KIF11: variants seen among roughly 807,000 people sequenced by gnomAD.
KIF11 encodes the protein kinesin family member 11.
A neutral mutation model predicts 121.0 loss-of-function variants in KIF11; 9 were observed. The ratio of observed to expected loss-of-function variants is 0.07; its 90% CI spans 0.04 to 0.13. The LOEUF is 0.13. Among genes scored for constraint, KIF11 ranks in the 10% least tolerant of loss-of-function variants. The pLI, the probability that KIF11 is intolerant of heterozygous loss-of-function variation, is 1.00. For missense variants in KIF11, 846 were observed against 1,217.5 expected, an observed-to-expected ratio of 0.69 and a Z score of 4.54; for synonymous variants, 408 against 421.0, an observed-to-expected ratio of 0.97 and a Z score of 0.38.
chr10:92,617,885 G>A (rs2135907777), intron 9 of KIF11, among the ~76,000 whole-genome samples: 1 of 152,118 alleles, frequency 6.6e-6, no homozygotes, highest in Non-Finnish European at 1.5e-5. Context: ...GACTACAGGT[G>A]TGCACCACCA....
At chr10:92,605,362 C>G (rs542692157) in intron 1 of KIF11, among the ~76,000 whole-genome samples, 2 of 152,054 alleles carry the variant, frequency 1.3e-5, no homozygotes, top group South Asian at 4.1e-4. Flanking sequence ...AAGTACTCAA[C>G]TTATTAGTCA....
At chr10:92,629,734 C>T (rs566179008) in intron 11 of KIF11, among the ~76,000 whole-genome samples, 1 of 152,256 alleles carries the variant, frequency 6.6e-6, no homozygotes, top group South Asian at 2.1e-4. Flanking sequence ...CTGCCTCAGC[C>T]TCCTGAGTAG....
intron 4 of KIF11, among the ~76,000 whole-genome samples, chr10:92,607,861 A>G (rs1844446084): frequency 6.6e-6 from 1 of 152,088 alleles, no homozygotes; most frequent in Admixed American, 6.6e-5. Context: ...TGAGTTTAAT[A>G]ACTAGTTAAT....
intron 1 of KIF11, among the ~76,000 whole-genome samples, chr10:92,595,549 T>C (rs1013918493): frequency 4.6e-5 from 7 of 152,150 alleles, no homozygotes; most frequent in African/African-American, 1.7e-4. Flanking sequence ...CCTATTTTTT[T>C]CCCAATTTAA....
At chr10:92,602,418 G>C (rs1490914590) in intron 1 of KIF11, among the ~76,000 whole-genome samples, 1 of 151,992 alleles carries the variant, frequency 6.6e-6, no homozygotes, top group Non-Finnish European at 1.5e-5. Flanking sequence ...GGAGATTTTT[G>C]GTTAGTGAGT....
Position 92,654,468 on chromosome 10 carries a change from A to ATG in KIF11, c.*674_*675dup, listed in dbSNP as rs1845023115. ...ATCTGTCCTTAGAAAGGACCATCTC[A>ATG]TGTTTTTTTTCTTGCTATGACTTGT... On this transcript the variant is annotated 3_prime_UTR_variant, in exon 22 of 22. Transcript: ENST00000260731. The ATG allele has an allele frequency of 6.6e-6, 1 of 151,986 alleles. No homozygotes were observed. Among genetic ancestry groups the ATG allele is most frequent in the South Asian group, 2.1e-4 (1 of 4,804 alleles). 9.4% of individuals were successfully genotyped at this position (151,986 alleles called of 1,614,324 possible). A position where few individuals can be genotyped will look rare whatever the true frequency, so the allele number is the denominator to read the frequency against.
chr10:92,653,919 C>T lies in KIF11; in HGVS notation c.*123C>T. On this transcript the variant is annotated 3_prime_UTR_variant, in exon 22 of 22. Transcript: ENST00000260731. ...TATATATCAGCCGGGCGCGGTGGCT[C>T]ATGCCTGTAATCCCAGCACTTTGGG... 1 of 799,556 alleles carries T rather than the reference C, an allele frequency of 1.3e-6. No homozygotes were observed. Among genetic ancestry groups the T allele is most frequent in the Non-Finnish European group, 1.9e-6 (1 of 528,206 alleles). The allele number at this position is 799,556 out of a possible 1,614,324, so 49.5% of individuals were successfully genotyped here. A position where few individuals can be genotyped will look rare whatever the true frequency, so the allele number is the denominator to read the frequency against.
At chr10:92,635,338 T>C (rs7089765) in intron 14 of KIF11, among the ~76,000 whole-genome samples, 42,693 of 152,114 alleles carry the variant, frequency 0.28, 8,343 homozygotes, top group African/African-American at 0.55. Flanking sequence ...TGTATATATA[T>C]AGGCATACTT....
At chr10:92,650,071 T>TA in intron 20 of KIF11, 85 bp downstream of exon 20, 2 of 1,025,314 alleles carry the variant, frequency 2.0e-6, no homozygotes. Context: ...TTTTACTGTT[T>TA]ACCCCTCAAT....
At position 92,643,942 on chromosome 10, in the gene KIF11, G is replaced by A. The variant is rs147950138; in HGVS notation, c.2268-1421G>A. ...TCAACCCTGTTTTTGATCCTGTTAA[G>A]TATAGCATGTTCCATTGTGAACTCT... On this transcript the variant is annotated intron_variant, in intron 17 of 21. Coordinates refer to ENST00000260731, the MANE Select transcript of KIF11 (RefSeq NM_004523.4). Among the ~76,000 whole-genome samples, 64 of 152,200 alleles carry A rather than the reference G, an allele frequency of 4.2e-4. No individual in the cohort carries two copies. In the East Asian group the frequency reaches 0.012, roughly 29 times the overall value.
chr10:92,617,904 T>TA (rs2135907788), intron 9 of KIF11, among the ~76,000 whole-genome samples: 1 of 152,242 alleles, frequency 6.6e-6, no homozygotes, highest in African/African-American at 2.4e-5. Flanking sequence ...CACGTCTAGC[T>TA]AATTTTTGTA....
chr10:92,629,802 T>TG (rs1844716653), intron 11 of KIF11, among the ~76,000 whole-genome samples: 1 of 152,006 alleles, frequency 6.6e-6, no homozygotes, highest in Non-Finnish European at 1.5e-5. Flanking sequence ...TTTGTAGAGA[T>TG]GGAGTCAGTC....
chr10:92,610,619 T>G (rs1031249162), intron 6 of KIF11, among the ~76,000 whole-genome samples: 6 of 151,850 alleles, frequency 4.0e-5, no homozygotes, highest in Non-Finnish European at 8.8e-5. Flanking sequence ...GCGTGTAGTC[T>G]CAGTTTCGCG....
intron 10 of KIF11, among the ~76,000 whole-genome samples, chr10:92,625,412 G>T (rs1461772190): frequency 1.3e-5 from 2 of 150,004 alleles, no homozygotes; most frequent in African/African-American, 4.9e-5. Context: ...AGTGTGGCAC[G>T]ATCTCAGCTC....
Position 92,613,626 on chromosome 10 carries a change from C to T in KIF11, c.1032+7C>T, listed in dbSNP as rs762597698. ...TGCATCTCTCAATCTTGAGGTAAGC[C>T]CTTTGAAAGGAAGCTGCAAGTGTAG... On this transcript the variant is annotated splice_region_variant and intron_variant, in intron 8 of 21. Coordinates refer to ENST00000260731, the MANE Select transcript of KIF11 (RefSeq NM_004523.4). This position sits in a 1 kb window ranked among gnomAD's most constrained non-coding sequence, Gnocchi z 4.2. The T allele has an allele frequency of 1.2e-5, 20 of 1,600,048 alleles. No individual in the cohort carries two copies. The highest frequency in any genetic ancestry group is 1.7e-5 in the Non-Finnish European group (20 of 1,174,340).
At chr10:92,595,553 A>G (rs1427248280) in intron 1 of KIF11, among the ~76,000 whole-genome samples, 1 of 152,008 alleles carries the variant, frequency 6.6e-6, no homozygotes, top group Non-Finnish European at 1.5e-5. Flanking sequence ...TTTTTTTCCC[A>G]ATTTAAAAAG....
rs1419156826 is a variant in KIF11 at position 92,637,202 on chromosome 10, C to A, written c.1894C>A (p.Leu632Ile). The A allele has an allele frequency of 2.5e-6, 4 of 1,585,224 alleles. No individual in the cohort carries two copies. Among genetic ancestry groups the A allele is most frequent in the Non-Finnish European group, 3.4e-6 (4 of 1,172,836 alleles). Residue 632 changes from leucine to isoleucine, a missense_variant, in exon 15 of 22, where the codon CTT becomes ATT. Leu to Ile is a conservative substitution (Grantham distance 5, BLOSUM62 2). Transcript: ENST00000260731. ...AAACCAGAATGTACTCAAGACTGAT[C>A]TTCTAAGTTCACTGGAAATGATTTT... ...QELINVLKTDLLSSLEMILSP... is the reference protein window; with the variant it reads ...QELINVLKTDILSSLEMILSP...
At chr10:92,610,225 C>A (rs61861449) in intron 6 of KIF11, among the ~76,000 whole-genome samples, 2,562 of 152,164 alleles carry the variant, frequency 0.017, 46 homozygotes, top group Non-Finnish European at 0.02. Context: ...AGTTTGAAAA[C>A]CCTTGCATTG....
At chr10:92,627,398 C>T (rs1216211388) in intron 10 of KIF11, among the ~76,000 whole-genome samples, 1 of 152,112 alleles carries the variant, frequency 6.6e-6, no homozygotes, top group Non-Finnish European at 1.5e-5. Flanking sequence ...CTTTTTATGA[C>T]TTCTTTTGAC....
Sources: gnomAD v4.1 joint callset for allele counts (sites outside exome capture counted in the v4.1 genomes callset) on GRCh38, gnomAD v4.1.1 for gene constraint, Gnocchi (gnomAD v3.1) non-coding constraint, MANE v1.5 for transcripts, NCBI Gene and HGNC (gene_info 2026-07-23, HGNC 2026-07-21) for gene names.